Variants in NECAB2 observed in about 807,000 individuals in gnomAD.
The protein encoded by NECAB2 is N-terminal EF-hand calcium-binding protein 2.
Under a neutral mutation model 51.9 loss-of-function variants are expected in NECAB2, and 68 were observed. That is an observed-to-expected ratio of 1.31 (90% CI 1.08 to 1.60). The LOEUF (loss-of-function observed/expected upper bound fraction) is 1.60, where lower values mean the gene tolerates loss of function less well. Ranked by LOEUF, NECAB2 falls within the 40% of genes most tolerant of loss-of-function variation. NECAB2 has a pLI of 0.00. For synonymous variants in NECAB2, 329 were observed against 203.5 expected, an observed-to-expected ratio of 1.62 and a Z score of -5.25; for missense variants, 854 against 490.3, an observed-to-expected ratio of 1.74 and a Z score of -7.00.
At chr16:83,985,131 G>C (rs963396560) in intron 5 of NECAB2, among the ~76,000 whole-genome samples, 12 of 151,616 alleles carry the variant, frequency 7.9e-5, no homozygotes, top group African/African-American at 2.9e-4. Context: ...TGGCCAACAT[G>C]GTGAAACCCT....
At chr16:83,985,903 A>C (rs2084546817) in intron 5 of NECAB2, among the ~76,000 whole-genome samples, 1 of 152,234 alleles carries the variant, frequency 6.6e-6, no homozygotes, top group African/African-American at 2.4e-5. Context: ...GCAGATCTGA[A>C]AACAGCTATC....
At chr16:83,994,840 A>T (rs1455990424) in intron 8 of NECAB2, 152 bp downstream of exon 8, 1 of 904,722 alleles carries the variant, frequency 1.1e-6, no homozygotes, top group Admixed American at 2.5e-5. Context: ...GCTGCCGAGG[A>T]CGAAGCTAAG....
intron 2 of NECAB2, among the ~76,000 whole-genome samples, chr16:83,974,383 C>T (rs755558796): frequency 2.0e-5 from 3 of 152,278 alleles, no homozygotes; most frequent in Non-Finnish European, 2.9e-5. Context: ...CTCCTGGCTT[C>T]GCTCATTGAA....
intron 12 of NECAB2, 90 bp from the exon 13 acceptor site, chr16:84,002,228 C>A: frequency 2.0e-6 from 3 of 1,493,968 alleles, no homozygotes; most frequent in Non-Finnish European, 1.9e-6. Flanking sequence ...TCAAAGCCAT[C>A]CCCCGACCTG....
At chr16:83,995,808 G>T (rs1284811286) in intron 8 of NECAB2, among the ~76,000 whole-genome samples, 2 of 152,226 alleles carry the variant, frequency 1.3e-5, no homozygotes, top group Admixed American at 1.3e-4. Context: ...CCCTCCTGCA[G>T]GGATGAGGCT....
chr16:83,999,697 C>T (rs1483959787), intron 10 of NECAB2, among the ~76,000 whole-genome samples: 3 of 152,120 alleles, frequency 2.0e-5, no homozygotes, highest in African/African-American at 4.8e-5. Flanking sequence ...TGAGTGCGGG[C>T]CCCTGGGTCC....
chr16:84,002,167 G>A (rs1247255143), intron 12 of NECAB2, 151 bp from the exon 13 acceptor site: 3 of 1,080,666 alleles, frequency 2.8e-6, no homozygotes, highest in African/African-American at 3.2e-5. Context: ...CTTCCCAGGT[G>A]TGTGGTTTGC....
chr16:83,994,617 G>A lies in NECAB2; in HGVS notation c.724G>A (p.Asp242Asn), dbSNP rs1037580702. 2 of 1,614,152 alleles carry A rather than the reference G, an allele frequency of 1.2e-6. No homozygotes were observed. Among genetic ancestry groups the A allele is most frequent in the East Asian group, 4.5e-5 (2 of 44,888 alleles). The change falls in exon 8 of 13, where the codon GAT (aspartate) becomes AAT (asparagine). Residue 242 changes from aspartate to asparagine, a missense_variant. Asp to Asn is a conservative substitution (Grantham distance 23). Coordinates refer to ENST00000305202, the MANE Select transcript of NECAB2 (RefSeq NM_019065.3). ...QGKTLPSATE[D>N]AKEEGLEAQI... ...CTCTTTCTCTACCGCAGCCACGGAG[G>A]ATGCAAAGGAAGAGGGTCTGGAAGC...
intron 11 of NECAB2, 108 bp downstream of exon 11, chr16:84,000,909 A>C (rs1285391428): frequency 4.5e-6 from 5 of 1,107,606 alleles, no homozygotes; most frequent in African/African-American, 3.1e-5. Flanking sequence ...GAGTCCAGTC[A>C]GCAGATTCCC....
chr16:83,985,959 A>G (rs1043254246), intron 5 of NECAB2, among the ~76,000 whole-genome samples: 4 of 152,206 alleles, frequency 2.6e-5, no homozygotes, highest in Non-Finnish European at 5.9e-5. Context: ...ACTTTTTTAA[A>G]GGTAAAATTA....
chr16:83,994,768 A>C (rs2084673748), intron 8 of NECAB2, 80 bp downstream of exon 8: 2 of 1,501,606 alleles, frequency 1.3e-6, no homozygotes, highest in South Asian at 1.2e-5. Context: ...TTCAGGACAA[A>C]AGTCTGGGCT....
At chr16:83,971,893 T>C (rs2084351247) in intron 1 of NECAB2, 1 of 593,618 alleles carries the variant, frequency 1.7e-6, no homozygotes, top group African/African-American at 1.9e-5. Context: ...TGCGTGTGTG[T>C]GTCAGCGTGG....
intron 11 of NECAB2, among the ~76,000 whole-genome samples, chr16:84,001,587 G>A (rs1234593090): frequency 6.6e-6 from 1 of 152,108 alleles, no homozygotes; most frequent in Non-Finnish European, 1.5e-5. Flanking sequence ...TCTGTGCAAT[G>A]AGTGGGGGGA....
At chr16:83,991,107 T>A (rs1029272979) in intron 6 of NECAB2, among the ~76,000 whole-genome samples, 2 of 151,808 alleles carry the variant, frequency 1.3e-5, no homozygotes, top group African/African-American at 4.8e-5. Context: ...CTCAGCCTCC[T>A]GAGTGGCTGG....
intron 10 of NECAB2, among the ~76,000 whole-genome samples, chr16:84,000,317 C>A (rs1329445278): frequency 4.7e-5 from 7 of 150,136 alleles, no homozygotes; most frequent in Non-Finnish European, 5.9e-5. Flanking sequence ...ACAGCCTGAG[C>A]CCAGGAGTTA....
At chr16:83,986,581 T>C (rs1278618681) in intron 5 of NECAB2, among the ~76,000 whole-genome samples, 2 of 152,092 alleles carry the variant, frequency 1.3e-5, no homozygotes, top group Non-Finnish European at 2.9e-5. Context: ...GGCACAGTCA[T>C]TACTCATTGC....
At position 84,002,407 on chromosome 16, in the gene NECAB2, G is replaced by A. The variant is rs533258213; in HGVS notation, c.*61G>A. Reference sequence around the variant, plus strand: ...CCCTTCTTCTTGTGAAGGAAATCCCGTTTTTTTCTAGACAGACACTTTGGT... The same window carrying A: ...CCCTTCTTCTTGTGAAGGAAATCCCATTTTTTTCTAGACAGACACTTTGGT... On this transcript the variant is annotated 3_prime_UTR_variant, in exon 13 of 13. Coordinates refer to ENST00000305202, the MANE Select transcript of NECAB2 (RefSeq NM_019065.3). The A allele has an allele frequency of 9.8e-4, 1,334 of 1,361,788 alleles. 10 individuals are homozygous for A. The African/African-American group carries it at 0.046, about 47-fold the overall frequency. 84.4% of individuals were successfully genotyped at this position (1,361,788 alleles called of 1,614,324 possible). A position where few individuals can be genotyped will look rare whatever the true frequency, so the allele number is the denominator to read the frequency against.
rs996312533 is a variant in NECAB2 at position 84,002,699 on chromosome 16, G to C, written c.*353G>C. 5.9e-6 allele frequency: 2 copies of C among 340,312 alleles called. No individual in the cohort carries two copies. Among genetic ancestry groups the C allele is most frequent in the Admixed American group, 3.8e-5 (1 of 26,092 alleles). The allele number at this position is 340,312 out of a possible 1,614,324, so 21.1% of individuals were successfully genotyped here. The stretch of plus-strand genomic sequence containing the variant: ...GGTGACATTCTTCTACCTAGTAGGA[G>C]TCATGCCCCTGTAGTGCCCAACCTA... On this transcript the variant is annotated 3_prime_UTR_variant, in exon 13 of 13. Coordinates refer to ENST00000305202, the MANE Select transcript of NECAB2 (RefSeq NM_019065.3).
At chr16:83,988,362 A>T (rs567639787) in intron 5 of NECAB2, among the ~76,000 whole-genome samples, 10 of 152,222 alleles carry the variant, frequency 6.6e-5, no homozygotes, top group Admixed American at 4.6e-4. Flanking sequence ...CAGTTACTTT[A>T]AAAAATACAT....
Sources: gnomAD v4.1 joint callset for allele counts (sites outside exome capture counted in the v4.1 genomes callset) on GRCh38, gnomAD v4.1.1 for gene constraint, MANE v1.5 for transcripts, NCBI Gene and HGNC (gene_info 2026-07-23, HGNC 2026-07-21) for gene names.